NEO1: variants seen among roughly 807,000 people sequenced by gnomAD.
The protein encoded by NEO1 is neogenin 1, also known as neogenin.
NEO1 carries 63 observed loss-of-function variants against 159.7 expected under a neutral mutation model. That is an observed-to-expected ratio of 0.39 (90% CI 0.32 to 0.49). NEO1 has a LOEUF of 0.49. NEO1 is among the 20% of genes least tolerant of loss of function. The pLI, the probability that NEO1 is intolerant of heterozygous loss-of-function variation, is 0.85. For synonymous variants in NEO1, 633 were observed against 662.0 expected, an observed-to-expected ratio of 0.96 and a Z score of 0.67; for missense variants, 1,615 against 1,831.0, an observed-to-expected ratio of 0.88 and a Z score of 2.15.
At chr15:73,178,457 G>A (rs1349840511) in intron 7 of NEO1, 30 bp downstream of exon 7, 1 of 1,611,042 alleles carries the variant, frequency 6.2e-7, no homozygotes, top group African/African-American at 1.3e-5. Context: ...TCAGATGATA[G>A]AGGCTGTGTG....
At chr15:73,132,864 T>A (rs930183535) in intron 4 of NEO1, among the ~76,000 whole-genome samples, 1 of 152,078 alleles carries the variant, frequency 6.6e-6, no homozygotes, top group Non-Finnish European at 1.5e-5. Flanking sequence ...ATGGCCATAA[T>A]CAAAAAATCA....
At chr15:73,177,776 A>C (rs2035365214) in intron 6 of NEO1, among the ~76,000 whole-genome samples, 1 of 152,152 alleles carries the variant, frequency 6.6e-6, no homozygotes, top group Non-Finnish European at 1.5e-5. Flanking sequence ...CCTGGGCTCA[A>C]GTGATACTCC....
At chr15:73,193,584 C>G (rs1474558364) in intron 7 of NEO1, among the ~76,000 whole-genome samples, 1 of 148,024 alleles carries the variant, frequency 6.8e-6, no homozygotes, top group Non-Finnish European at 1.5e-5. Flanking sequence ...TATCATTTTG[C>G]TAGGATGACC....
Position 73,298,404 on chromosome 15 carries a change from T to C in NEO1, c.3958T>C (p.Cys1320Arg), listed in dbSNP as rs1162034940. ...CATGCCAGCCTCTTCGTCTCAAACA[T>C]GCTGCACTGATCACCAGGACCCTGA... Reference protein sequence around the residue: ...DTMPASSSQTCCTDHQDPEGA... With the variant: ...DTMPASSSQTRCTDHQDPEGA... The change falls in exon 27 of 29, where the codon TGC becomes CGC. Residue 1320 changes from cysteine to arginine, a missense_variant. Transcript: ENST00000261908. 6.2e-7 allele frequency: 1 copy of C among 1,614,224 alleles called. No homozygotes were observed.
chr15:73,272,654 A>G, intron 19 of NEO1, 92 bp downstream of exon 19: 2 of 902,714 alleles, frequency 2.2e-6, no homozygotes, highest in Non-Finnish European at 3.5e-6. Flanking sequence ...GAGAAGTGGG[A>G]GTCTGAAGGC....
intron 8 of NEO1, among the ~76,000 whole-genome samples, chr15:73,240,172 G>A (rs2039421312): frequency 6.6e-6 from 1 of 152,154 alleles, no homozygotes; most frequent in South Asian, 2.1e-4. Context: ...TCTCAGGGCA[G>A]GACAGGTTTT....
chr15:73,206,878 G>A (rs895558316), intron 7 of NEO1, among the ~76,000 whole-genome samples: 1 of 151,754 alleles, frequency 6.6e-6, no homozygotes, highest in African/African-American at 2.4e-5. Context: ...TAGAGAGACA[G>A]GGTTTCACTT....
chr15:73,158,198 G>A (rs1029445368), intron 5 of NEO1, among the ~76,000 whole-genome samples: 1 of 136,230 alleles, frequency 7.3e-6, no homozygotes. Flanking sequence ...CTGGGAGAAA[G>A]AGTGAGACTC....
intron 3 of NEO1, among the ~76,000 whole-genome samples, chr15:73,124,784 G>A (rs2029946933): frequency 6.6e-6 from 1 of 151,810 alleles, no homozygotes; most frequent in African/African-American, 2.4e-5. Context: ...TATCTTACTT[G>A]TCTCTCTCCC....
At chr15:73,293,586 CA>C (rs774699154) in intron 26 of NEO1, 38 bp downstream of exon 26, 29 of 1,580,298 alleles carry the variant, frequency 1.8e-5, no homozygotes, top group Non-Finnish European at 2.3e-5. Flanking sequence ...GAAACCATTC[CA>C]AAAGAGTCGG....
chr15:73,079,370 T>A (rs1748046157), intron 1 of NEO1, among the ~76,000 whole-genome samples: 1 of 152,174 alleles, frequency 6.6e-6, no homozygotes, highest in Admixed American at 6.5e-5. Flanking sequence ...ATTACTCAAA[T>A]CTTACTTTTG....
chr15:73,083,735 T>C (rs1170923988), intron 1 of NEO1, among the ~76,000 whole-genome samples: 1 of 152,222 alleles, frequency 6.6e-6, no homozygotes, highest in Non-Finnish European at 1.5e-5. Context: ...TTCTGCCTTA[T>C]GTTCCTTATT....
chr15:73,301,378 G>A lies in NEO1; in HGVS notation c.4223G>A (p.Ser1408Asn). The A allele has an allele frequency of 1.2e-6, 2 of 1,614,198 alleles. No homozygotes were observed. The highest frequency in any genetic ancestry group is 1.7e-6 in the Non-Finnish European group (2 of 1,180,042). ...GCCTCCATCGGGACTCTAGGAAGGA[G>A]CCGGCCTCCTATGCCAGTGGTTGTT... ...KTASIGTLGR[S>N]RPPMPVVVPS... The change falls in exon 28 of 29, where the codon AGC (serine) becomes AAC (asparagine). Residue 1408 changes from serine (S) to asparagine (N), a missense_variant. This residue lies in a region of NEO1 where 471 missense variants were observed against 498.9 expected (regional missense o/e 0.94). Transcript: ENST00000261908.
At chr15:73,227,440 G>C (rs888730002) in intron 7 of NEO1, among the ~76,000 whole-genome samples, 4 of 150,490 alleles carry the variant, frequency 2.7e-5, no homozygotes, top group African/African-American at 4.9e-5. Context: ...AGGCTGCAGT[G>C]AGCCGAGATC....
chr15:73,224,169 T>C (rs2038445971), intron 7 of NEO1, among the ~76,000 whole-genome samples: 1 of 152,210 alleles, frequency 6.6e-6, no homozygotes, highest in Non-Finnish European at 1.5e-5. Flanking sequence ...TGAGAAATCT[T>C]CTGTTAATCT....
chr15:73,178,831 C>T (rs1199941462), intron 7 of NEO1, among the ~76,000 whole-genome samples: 1 of 152,048 alleles, frequency 6.6e-6, no homozygotes, highest in Non-Finnish European at 1.5e-5. Context: ...GGAAGCAGAG[C>T]TCATTGTTTT....
At chr15:73,140,846 C>CTA (rs1264589322) in intron 5 of NEO1, among the ~76,000 whole-genome samples, 4 of 152,144 alleles carry the variant, frequency 2.6e-5, no homozygotes, top group South Asian at 4.1e-4. Flanking sequence ...AGAATACCTA[C>CTA]TATATATATG....
chr15:73,271,215 T>A (rs767517517), intron 18 of NEO1, among the ~76,000 whole-genome samples: 1 of 152,246 alleles, frequency 6.6e-6, no homozygotes, highest in Non-Finnish European at 1.5e-5. Flanking sequence ...ACATCAAAGT[T>A]TAAATAGACC....
chr15:73,126,287 C>G, intron 3 of NEO1, 130 bp from the exon 4 acceptor site: 1 of 733,706 alleles, frequency 1.4e-6, no homozygotes, highest in Non-Finnish European at 2.2e-6. Context: ...CTACGCTGGT[C>G]TCAAACTCCT....
Sources: allele counts gnomAD v4.1 joint callset (sites outside exome capture counted in the v4.1 genomes callset), GRCh38; gene constraint gnomAD v4.1.1; regional missense constraint gnomAD v4.1.1; transcripts MANE v1.5; gene names NCBI Gene and HGNC (gene_info 2026-07-23, HGNC 2026-07-21).